Variants in OPN3 observed in about 807,000 individuals in gnomAD.
OPN3 encodes the protein opsin-3.
OPN3 carries 29 observed loss-of-function variants against 33.8 expected under a neutral mutation model. The ratio of observed to expected loss-of-function variants is 0.86; its 90% CI spans 0.64 to 1.17. The LOEUF is 1.17. Among genes scored for constraint, OPN3 ranks in the 50% most tolerant of loss-of-function variants. The pLI is 0.00. For missense variants in OPN3, 437 were observed against 514.1 expected (o/e 0.85, Z 1.45); for synonymous variants, 216 against 216.1 (o/e 1.00, Z 0.00).
rs867095079 is a variant in OPN3, at chr1:241,620,061, A to G, written c.374-15482T>C. 3.9e-5 allele frequency among the ~76,000 whole-genome samples: 6 copies of G among 151,942 alleles called. No individual in the cohort carries two copies. The South Asian group carries it at 8.4e-4, about 21-fold the overall frequency. ...GTGCCAGAGGAGCCCAGACAGAGGA[A>G]AGTTCACCAAGTACTGGGGAATACA... On this transcript the variant is annotated intron_variant, in intron 1 of 3. Coordinates refer to ENST00000366554, the MANE Select transcript of OPN3 (RefSeq NM_014322.3).
At chr1:241,598,930 T>C (rs1663610375) in intron 2 of OPN3, among the ~76,000 whole-genome samples, 1 of 152,162 alleles carries the variant, frequency 6.6e-6, no homozygotes, top group East Asian at 1.9e-4. Context: ...ATTGATTACT[T>C]TATGCCTGGA....
chr1:241,619,579 A>G (rs1163964525), intron 1 of OPN3, among the ~76,000 whole-genome samples: 1 of 152,238 alleles, frequency 6.6e-6, no homozygotes, highest in Non-Finnish European at 1.5e-5. Context: ...GTGATGTCAT[A>G]TGAAAAGCTC....
At chr1:241,606,880 G>C (rs1461085623) in intron 1 of OPN3, among the ~76,000 whole-genome samples, 1 of 152,168 alleles carries the variant, frequency 6.6e-6, no homozygotes, top group African/African-American at 2.4e-5. Context: ...CCACGAAATA[G>C]CTCTGTAACT....
chr1:241,626,214 C>G (rs927744942), intron 1 of OPN3, among the ~76,000 whole-genome samples: 2 of 152,114 alleles, frequency 1.3e-5, no homozygotes, highest in Non-Finnish European at 2.9e-5. Context: ...CAGGTTGGAA[C>G]CTAGAACAGT....
intron 1 of OPN3, among the ~76,000 whole-genome samples, chr1:241,608,172 G>C (rs192969255): frequency 5.9e-5 from 9 of 152,120 alleles, no homozygotes; most frequent in Non-Finnish European, 1.5e-5. Context: ...CATTGAATAC[G>C]ATTTAGTCTT....
intron 1 of OPN3, among the ~76,000 whole-genome samples, chr1:241,617,861 A>G (rs1036672043): frequency 6.6e-6 from 1 of 152,230 alleles, no homozygotes; most frequent in African/African-American, 2.4e-5. Flanking sequence ...AGTTGTAAAC[A>G]AACTTGTGAG....
chr1:241,607,162 C>T (rs542743855), intron 1 of OPN3, among the ~76,000 whole-genome samples: 2 of 152,200 alleles, frequency 1.3e-5, no homozygotes, highest in East Asian at 1.9e-4. Context: ...TTACTAAATA[C>T]TCAAGTGACC....
chr1:241,635,955 CAA>C, intron 1 of OPN3: 1 of 583,252 alleles, frequency 1.7e-6, no homozygotes, highest in Admixed American at 3.5e-5. Context: ...AAAACATGAG[CAA>C]GTACATCTAA....
chr1:241,610,942 C>A (rs1158965579), intron 1 of OPN3, among the ~76,000 whole-genome samples: 1 of 143,254 alleles, frequency 7.0e-6, no homozygotes, highest in African/African-American at 2.7e-5. Context: ...GGGTGTGTGG[C>A]TGTATTAAAT....
chr1:241,607,662 G>A (rs980063265), intron 1 of OPN3, among the ~76,000 whole-genome samples: 11 of 143,074 alleles, frequency 7.7e-5, no homozygotes, highest in Non-Finnish European at 1.7e-4. Flanking sequence ...AAGAAAGAAA[G>A]AAAGAAAAAG....
chr1:241,632,268 C>T (rs1664668111), intron 1 of OPN3: 1 of 153,522 alleles, frequency 6.5e-6, no homozygotes, highest in Admixed American at 6.5e-5. Flanking sequence ...TGAGGCCTCC[C>T]CAGCCACATG....
At chr1:241,614,547 C>T (rs923090666) in intron 1 of OPN3, among the ~76,000 whole-genome samples, 5 of 152,224 alleles carry the variant, frequency 3.3e-5, no homozygotes, top group African/African-American at 1.2e-4. Context: ...TAAGCATCTC[C>T]TCCTAGGCTA....
chr1:241,611,912 G>A (rs373005059), intron 1 of OPN3, among the ~76,000 whole-genome samples: 2 of 152,212 alleles, frequency 1.3e-5, no homozygotes, highest in African/African-American at 4.8e-5. Flanking sequence ...GAGAAATATG[G>A]TTACTGTGAT....
At chr1:241,634,845 C>A in intron 1 of OPN3, 1 of 1,611,450 alleles carries the variant, frequency 6.2e-7, no homozygotes, top group African/African-American at 1.3e-5. Flanking sequence ...GGATGTTGTT[C>A]ATACTCTAAA....
chr1:241,609,071 C>G (rs1663913123), intron 1 of OPN3, among the ~76,000 whole-genome samples: 1 of 152,218 alleles, frequency 6.6e-6, no homozygotes, highest in African/African-American at 2.4e-5. Flanking sequence ...CTTACAACTA[C>G]TTTAGACCTT....
chr1:241,606,221 C>T lies in OPN3; in HGVS notation c.374-1642G>A, dbSNP rs142681807. Among the ~76,000 whole-genome samples the T allele has an allele frequency of 1.6e-3, 238 of 152,168 alleles. 2 individuals carry two copies. The highest frequency in any genetic ancestry group is 5.3e-3 in the African/African-American group (219 of 41,528). On this transcript the variant is annotated intron_variant, in intron 1 of 3. Coordinates refer to ENST00000366554, the MANE Select transcript of OPN3 (RefSeq NM_014322.3). ...ATCTATCTGCTTATCGAATGTGAGGCGTGAGGGGCGAGAGGAGTTAAAAGT... is the reference window on the plus strand; with the variant it reads ...ATCTATCTGCTTATCGAATGTGAGGTGTGAGGGGCGAGAGGAGTTAAAAGT...
chr1:241,596,089 T>A (rs189100236), intron 3 of OPN3, among the ~76,000 whole-genome samples: 1 of 152,336 alleles, frequency 6.6e-6, no homozygotes, highest in East Asian at 1.9e-4. Flanking sequence ...AAGGAGAATA[T>A]TCATTTATTA....
At chr1:241,635,489 T>C in intron 1 of OPN3, 1 of 1,613,884 alleles carries the variant, frequency 6.2e-7, no homozygotes, top group Non-Finnish European at 8.5e-7. Context: ...AATAGTTTCA[T>C]CCTTCTTGCG....
intron 1 of OPN3, among the ~76,000 whole-genome samples, chr1:241,614,969 G>A (rs1190912602): frequency 6.6e-6 from 1 of 152,196 alleles, no homozygotes; most frequent in Non-Finnish European, 1.5e-5. Context: ...TCTTGGAATA[G>A]GACCTCATTA....
Sources: allele counts gnomAD v4.1 joint callset (sites outside exome capture counted in the v4.1 genomes callset), GRCh38; gene constraint gnomAD v4.1.1; transcripts MANE v1.5; gene names NCBI Gene and HGNC (gene_info 2026-07-23, HGNC 2026-07-21).